PSMD6: variants seen among roughly 807,000 people sequenced by gnomAD.
The protein encoded by PSMD6 is proteasome 26S subunit, non-ATPase 6.
PSMD6 carries 7 observed loss-of-function variants against 44.9 expected under a neutral mutation model. That is an observed-to-expected ratio of 0.16 (90% confidence interval 0.09 to 0.29). The LOEUF (loss-of-function observed/expected upper bound fraction) is 0.29. PSMD6 is among the 10% of genes least tolerant of loss of function. PSMD6 has a pLI of 1.00. For missense variants in PSMD6, 420 were observed against 482.6 expected (o/e 0.87, Z 1.21); for synonymous variants, 184 against 172.7 (o/e 1.07, Z -0.51).
Position 64,018,752 on chromosome 3 carries a change from AATG to A in PSMD6, c.718-48_718-46del, listed in dbSNP as rs769968296. On this transcript the variant is annotated intron_variant, in intron 4 of 7. Coordinates refer to ENST00000295901, the MANE Select transcript of PSMD6 (RefSeq NM_014814.3). ...TATATACAAAAAAAATGTACATTTT[AATG>A]ATTTGTGTATTTAAACAAAAAAAAC... The A allele has an allele frequency of 2.0e-6, 3 of 1,523,150 alleles. No homozygotes were observed. In the Admixed American group the frequency reaches 5.4e-5, roughly 28 times the overall value. The allele number at this position is 1,523,150 out of a possible 1,614,324, so 94.4% of individuals were successfully genotyped here.
At chr3:64,013,021 A>C (rs2075986541) in intron 6 of PSMD6, 1 of 155,530 alleles carries the variant, frequency 6.4e-6, no homozygotes, top group Non-Finnish European at 1.4e-5. Context: ...TAAAAGTCCC[A>C]CATTTAACAA....
intron 5 of PSMD6, chr3:64,018,331 G>A: frequency 3.9e-6 from 1 of 258,886 alleles, no homozygotes; most frequent in Non-Finnish European, 7.5e-6. Flanking sequence ...GGCTTTGCAA[G>A]CTACATAGCT....
Position 64,022,307 on chromosome 3 carries a change from T to G in PSMD6, c.351+11A>C, listed in dbSNP as rs1389815448. On this transcript the variant is annotated intron_variant, in intron 2 of 7. Coordinates refer to ENST00000295901, the MANE Select transcript of PSMD6 (RefSeq NM_014814.3). ...TACTAACTACAGAGAGGGAAAACCA[T>G]CTCTACTCACTTTGTCACCTATCCG... is the stretch of plus-strand genomic sequence containing the variant. 6.2e-7 allele frequency: 1 copy of G among 1,613,960 alleles called. No homozygotes were observed. Among genetic ancestry groups the G allele is most frequent in the Non-Finnish European group, 8.5e-7 (1 of 1,179,880 alleles).
At chr3:64,019,063 T>C in intron 3 of PSMD6, 26 bp from the exon 4 acceptor site, 1 of 1,565,106 alleles carries the variant, frequency 6.4e-7, no homozygotes, top group Non-Finnish European at 8.8e-7. Context: ...AGTAAGATCA[T>C]AGTCTGGAAA....
In PSMD6 at chr3:64,019,210, TAAACA is replaced by T. The variant is rs1161266603; in HGVS notation, c.497+81_497+85del. The stretch of plus-strand genomic sequence containing the variant: ...ATTATTTGACCAAACTTACTAGCTG[TAAACA>T]AAACAGGCAGTTTCTTATATCAGCT... On this transcript the variant is annotated intron_variant, in intron 3 of 7. Coordinates refer to ENST00000295901, the MANE Select transcript of PSMD6 (RefSeq NM_014814.3). 2.0e-6 allele frequency: 3 copies of T among 1,476,590 alleles called. No homozygotes were observed. In the African/African-American group the frequency reaches 4.3e-5, roughly 21 times the overall value. The allele number at this position is 1,476,590 out of a possible 1,614,324, so 91.5% of individuals were successfully genotyped here.
chr3:64,022,547 G>A (rs768279778), intron 1 of PSMD6, 24 bp from the exon 2 acceptor site: 2 of 1,612,100 alleles, frequency 1.2e-6, no homozygotes, highest in Non-Finnish European at 1.7e-6. Flanking sequence ...AGAGGGATGT[G>A]TGAGTGGGGA....
intron 5 of PSMD6, among the ~76,000 whole-genome samples, chr3:64,017,894 G>A (rs892301649): frequency 2.0e-5 from 3 of 152,172 alleles, no homozygotes; most frequent in African/African-American, 7.2e-5. Context: ...GGGTCAACTT[G>A]ATGCAAGCTG....
At chr3:64,021,954 T>C (rs543024797) in intron 2 of PSMD6, among the ~76,000 whole-genome samples, 8 of 152,062 alleles carry the variant, frequency 5.3e-5, no homozygotes, top group Non-Finnish European at 4.4e-5. Context: ...CTGCTAAGTA[T>C]TACTCGTGTA....
intron 1 of PSMD6, 34 bp downstream of exon 1, chr3:64,023,241 T>TAG (rs1442981178): frequency 6.5e-7 from 1 of 1,542,430 alleles, no homozygotes; most frequent in East Asian, 2.5e-5. Flanking sequence ...GGCCCAGGCC[T>TAG]AGGCCGCTGA....
Position 64,010,605 on chromosome 3 carries a change from A to T in PSMD6, c.*63T>A. On this transcript the variant is annotated 3_prime_UTR_variant, in exon 8 of 8. Coordinates refer to ENST00000295901, the MANE Select transcript of PSMD6 (RefSeq NM_014814.3). ...ATACAGCTGACCTGGGCACATTGTG[A>T]AGTAAGCTATAAAAATTCCAAATAA... 8.2e-7 allele frequency: 1 copy of T among 1,212,182 alleles called. No individual in the cohort carries two copies. The highest frequency in any genetic ancestry group is 1.2e-6 in the Non-Finnish European group (1 of 848,916). 75.1% of individuals were successfully genotyped at this position (1,212,182 alleles called of 1,614,324 possible).
chr3:64,011,789 C>T (rs796625301), intron 6 of PSMD6: 1 of 152,236 alleles, frequency 6.6e-6, no homozygotes, highest in South Asian at 2.1e-4. Flanking sequence ...TTTATCTCCA[C>T]ATTACAGTTA....
chr3:64,016,272 T>A (rs911580465), intron 5 of PSMD6: 1 of 152,144 alleles, frequency 6.6e-6, no homozygotes, highest in African/African-American at 2.4e-5. Context: ...ATTTTATATG[T>A]GAGTGAATGT....
chr3:64,019,130 T>C, intron 3 of PSMD6, 93 bp from the exon 4 acceptor site: 1 of 1,420,004 alleles, frequency 7.0e-7, no homozygotes, highest in East Asian at 2.3e-5. Flanking sequence ...AAACAACTTT[T>C]AACAACTTGA....
chr3:64,022,931 A>G, intron 1 of PSMD6: 3 of 1,448,826 alleles, frequency 2.1e-6, no homozygotes, highest in Non-Finnish European at 1.8e-6. Context: ...GAACTCTCCC[A>G]CAGGAATACC....
Position 64,023,468 on chromosome 3 carries a change from G to C in PSMD6, c.-49C>G, listed in dbSNP as rs375745550. 1.8e-5 allele frequency: 27 copies of C among 1,508,552 alleles called. No individual in the cohort carries two copies. In the African/African-American group the frequency reaches 3.1e-4, roughly 17 times the overall value. The allele number at this position is 1,508,552 out of a possible 1,614,324, so 93.4% of individuals were successfully genotyped here. On this transcript the variant is annotated 5_prime_UTR_variant, in exon 1 of 8. Coordinates refer to ENST00000295901, the MANE Select transcript of PSMD6 (RefSeq NM_014814.3). ...ACAGGACACAACTTGGTTACGACCG[G>C]CTGCGGCAGCGGAAGCGGGAGGAGT... is the stretch of plus-strand genomic sequence containing the variant.
intron 1 of PSMD6, chr3:64,023,007 G>A (rs536893738): frequency 4.2e-6 from 6 of 1,419,876 alleles, no homozygotes; most frequent in Middle Eastern, 2.6e-4. Context: ...CTAGCACAGG[G>A]GTAAATATTA....
chr3:64,014,228 T>G (rs2076009101), intron 5 of PSMD6: 1 of 152,026 alleles, frequency 6.6e-6, no homozygotes, highest in African/African-American at 2.4e-5. Flanking sequence ...GTACGTAGAG[T>G]ATTAATGAGC....
chr3:64,012,322 G>A (rs1394556191), intron 6 of PSMD6: 2 of 151,886 alleles, frequency 1.3e-5, no homozygotes, highest in Non-Finnish European at 2.9e-5. Flanking sequence ...CCTACATGTG[G>A]GAGCCACTGA....
At chr3:64,016,095 G>A (rs1174840983) in intron 5 of PSMD6, 1 of 152,036 alleles carries the variant, frequency 6.6e-6, no homozygotes, top group African/African-American at 2.4e-5. Flanking sequence ...GCTGAGGCAG[G>A]AGAACGGCAT....
Sources: gnomAD v4.1 joint callset for allele counts (sites outside exome capture counted in the v4.1 genomes callset) on GRCh38, gnomAD v4.1.1 for gene constraint, MANE v1.5 for transcripts, NCBI Gene and HGNC (gene_info 2026-07-23, HGNC 2026-07-21) for gene names.